The following CSMD1 variants were observed in gnomAD, a reference collection of about 807,000 sequenced individuals.
CSMD1 encodes CUB and Sushi multiple domains 1, also known as CUB and sushi domain-containing protein 1.
In CSMD1, 213 loss-of-function variants were observed where a neutral mutation model predicts 417.5. The ratio of observed to expected loss-of-function variants is 0.51; its 90% CI spans 0.46 to 0.57. The LOEUF is 0.57. Among genes scored for constraint, CSMD1 ranks in the 20% least tolerant of loss-of-function variants. The probability of loss-of-function intolerance (pLI) is 0.00; values close to 1 mark genes in which losing one functional copy is unlikely to be tolerated. For synonymous variants in CSMD1, 2,862 were observed against 1,736.8 expected (o/e 1.65, Z -16.11); for missense variants, 6,923 against 4,529.7 (o/e 1.53, Z -15.17).
chr8:3,952,807 T>C (rs1193762301), intron 5 of CSMD1, among the ~76,000 whole-genome samples: 6 of 152,192 alleles, frequency 3.9e-5, no homozygotes, highest in South Asian at 4.1e-4. Context: ...AGCAATACTC[T>C]CATTAATCAA....
chr8:4,730,223 CA>C (rs1221315126), intron 1 of CSMD1, among the ~76,000 whole-genome samples: 2 of 151,838 alleles, frequency 1.3e-5, no homozygotes, highest in Non-Finnish European at 2.9e-5. Context: ...CAAAACAAAA[CA>C]AAACAAAACA....
intron 2 of CSMD1, among the ~76,000 whole-genome samples, chr8:4,514,659 G>A (rs1299798348): frequency 2.6e-5 from 4 of 152,118 alleles, no homozygotes; most frequent in African/African-American, 9.7e-5. Context: ...AAATAAAAAA[G>A]TAGACCTCAA....
chr8:3,389,303 G>A (rs1186451943), intron 17 of CSMD1, among the ~76,000 whole-genome samples: 1 of 151,972 alleles, frequency 6.6e-6, no homozygotes, highest in Non-Finnish European at 1.5e-5. Context: ...AGTGTGTGTT[G>A]TTCCCTCTAT....
intron 2 of CSMD1, among the ~76,000 whole-genome samples, chr8:4,568,122 A>C (rs1392631915): frequency 1.3e-5 from 2 of 152,206 alleles, no homozygotes; most frequent in African/African-American, 2.4e-5. Context: ...AAGCACATTC[A>C]CATCTAAGAT....
At chr8:4,604,891 CG>C (rs762739900) in intron 2 of CSMD1, among the ~76,000 whole-genome samples, 11 of 152,148 alleles carry the variant, frequency 7.2e-5, no homozygotes, top group African/African-American at 1.2e-4. Context: ...TTGACTCTGA[CG>C]GTGTTCGGGG....
At chr8:4,062,915 CA>C (rs71205413) in intron 3 of CSMD1, among the ~76,000 whole-genome samples, 399 of 147,508 alleles carry the variant, frequency 2.7e-3, no homozygotes, top group East Asian at 0.012. Context: ...CTGATCATTG[CA>C]AAAAAAAAAA....
At chr8:3,810,523 G>C (rs533805458) in intron 5 of CSMD1, among the ~76,000 whole-genome samples, 1 of 152,230 alleles carries the variant, frequency 6.6e-6, no homozygotes, top group East Asian at 1.9e-4. Flanking sequence ...GTCAGAATGG[G>C]ATGCCTCCTT....
intron 3 of CSMD1, among the ~76,000 whole-genome samples, chr8:4,340,345 G>C (rs527529713): frequency 6.6e-6 from 1 of 152,134 alleles, no homozygotes; most frequent in Non-Finnish European, 1.5e-5. Flanking sequence ...TGAGGTTTGA[G>C]GGGCTGCTAC....
intron 1 of CSMD1, among the ~76,000 whole-genome samples, chr8:4,833,828 A>G (rs925526451): frequency 6.6e-6 from 1 of 152,194 alleles, no homozygotes; most frequent in Admixed American, 6.5e-5. Flanking sequence ...CTTCCAATCA[A>G]TTGCAAGTTG....
chr8:3,859,405 T>C (rs1391072588), intron 5 of CSMD1, among the ~76,000 whole-genome samples: 1 of 152,194 alleles, frequency 6.6e-6, no homozygotes, highest in Non-Finnish European at 1.5e-5. Context: ...TATATTTTGT[T>C]TACAGATGTG....
At chr8:3,160,795 C>T (rs980924320) in intron 38 of CSMD1, among the ~76,000 whole-genome samples, 5 of 152,184 alleles carry the variant, frequency 3.3e-5, no homozygotes, top group Non-Finnish European at 7.4e-5. Context: ...CCATGTCCCA[C>T]GGTTGATCAG....
At chr8:4,577,497 G>C (rs1219028783) in intron 2 of CSMD1, among the ~76,000 whole-genome samples, 1 of 152,054 alleles carries the variant, frequency 6.6e-6, no homozygotes, top group East Asian at 1.9e-4. Flanking sequence ...TGCCACCACA[G>C]CACCCACCTT....
At chr8:4,204,352 G>C (rs758830235) in intron 3 of CSMD1, among the ~76,000 whole-genome samples, 1 of 151,652 alleles carries the variant, frequency 6.6e-6, no homozygotes, top group South Asian at 2.1e-4. Flanking sequence ...TCCACTTCTA[G>C]GTGAGCAAAC....
intron 3 of CSMD1, among the ~76,000 whole-genome samples, chr8:4,161,029 C>A (rs915933783): frequency 4.6e-5 from 7 of 151,918 alleles, no homozygotes; most frequent in African/African-American, 1.7e-4. Flanking sequence ...TGCATTAAAT[C>A]ACGGCACTTC....
Position 3,272,028 on chromosome 8 carries a change from T to C in CSMD1, c.4153+12116A>G, listed in dbSNP as rs544279261. 4.7e-4 allele frequency among the ~76,000 whole-genome samples: 71 copies of C among 151,810 alleles called. 1 individual carries two copies. Among genetic ancestry groups the C allele is most frequent in the Non-Finnish European group, 9.3e-4 (63 of 67,992 alleles). ...CCCATGCCTATGTCCTGAATGGTAA[T>C]GCCTAGGTTTTCTTCTAGGGTTTTT... is the stretch of plus-strand genomic sequence containing the variant. On this transcript the variant is annotated intron_variant, in intron 26 of 69. Transcript: ENST00000635120.
intron 3 of CSMD1, among the ~76,000 whole-genome samples, chr8:4,127,255 A>T (rs1362895965): frequency 2.0e-5 from 3 of 151,912 alleles, no homozygotes; most frequent in Non-Finnish European, 1.5e-5. Flanking sequence ...CTAACACTAC[A>T]GGCCCCGCTC....
chr8:3,853,268 G>A (rs928359535), intron 5 of CSMD1, among the ~76,000 whole-genome samples: 1 of 152,172 alleles, frequency 6.6e-6, no homozygotes, highest in African/African-American at 2.4e-5. Flanking sequence ...GGAGAAAGCT[G>A]TGAGTTTTCT....
At chr8:4,275,445 C>T (rs150457556) in intron 3 of CSMD1, among the ~76,000 whole-genome samples, 2 of 151,858 alleles carry the variant, frequency 1.3e-5, no homozygotes, top group African/African-American at 2.4e-5. Flanking sequence ...GATACTATGG[C>T]CTTTATTTAA....
intron 12 of CSMD1, among the ~76,000 whole-genome samples, chr8:3,425,985 CA>C (rs1186252362): frequency 6.6e-6 from 1 of 151,772 alleles, no homozygotes; most frequent in Non-Finnish European, 1.5e-5. Context: ...TCTCTGTGAA[CA>C]AAAAAGCTGG....
Sources: allele counts gnomAD v4.1 joint callset (sites outside exome capture counted in the v4.1 genomes callset), GRCh38; gene constraint gnomAD v4.1.1; transcripts MANE v1.5; gene names NCBI Gene and HGNC (gene_info 2026-07-23, HGNC 2026-07-21).